The following SHISA9 variants were observed in gnomAD, a reference collection of about 807,000 sequenced individuals.
SHISA9 encodes the protein protein shisa-9.
A neutral mutation model predicts 38.0 loss-of-function variants in SHISA9; 13 were observed. The observed-to-expected ratio is 0.34, with a 90% CI of 0.22 to 0.54. SHISA9 has a LOEUF of 0.54. Among genes scored for constraint, SHISA9 ranks in the 20% least tolerant of loss-of-function variants. The probability of loss-of-function intolerance (pLI) is 0.91; values close to 1 mark genes in which losing one functional copy is unlikely to be tolerated. For missense variants in SHISA9, 538 were observed against 575.8 expected (o/e 0.93, Z 0.67); for synonymous variants, 275 against 242.0 (o/e 1.14, Z -1.27).
At chr16:13,541,029 C>T in the SHISA9 span, among the ~76,000 whole-genome samples, 187 of 152,252 alleles carry the variant, frequency 1.2e-3, no homozygotes, top group Non-Finnish European at 1.2e-3. Context: ...GTCGGGATTC[C>T]TCAGGAATCT....
chr16:13,197,029 T>C (rs1339650953), intron 2 of SHISA9, among the ~76,000 whole-genome samples: 1 of 151,754 alleles, frequency 6.6e-6, no homozygotes, highest in Non-Finnish European at 1.5e-5. Flanking sequence ...GAGGTGGAGA[T>C]TGCAGTGAGC....
At chr16:13,475,717 A>G in the SHISA9 span, among the ~76,000 whole-genome samples, 1 of 152,194 alleles carries the variant, frequency 6.6e-6, no homozygotes, top group South Asian at 2.1e-4. Context: ...TAATGAAATA[A>G]TTATACAACT....
At chr16:13,208,506 A>G (rs2142060784) in intron 3 of SHISA9, among the ~76,000 whole-genome samples, 2 of 148,386 alleles carry the variant, frequency 1.3e-5, no homozygotes, top group South Asian at 2.1e-4. Context: ...CCATGGCGCA[A>G]TCTCGGCTCA....
chr16:13,183,548 T>C (rs904907806), intron 2 of SHISA9, among the ~76,000 whole-genome samples: 6 of 152,246 alleles, frequency 3.9e-5, no homozygotes, highest in Admixed American at 6.5e-5. Flanking sequence ...ACAGAAATGA[T>C]CTCCCAACTG....
chr16:13,186,218 G>GTT (rs2050820549), intron 2 of SHISA9, among the ~76,000 whole-genome samples: 1 of 145,230 alleles, frequency 6.9e-6, no homozygotes, highest in African/African-American at 2.5e-5. Flanking sequence ...GAAGCACATT[G>GTT]TTGTGTGTGT....
At chr16:13,026,323 G>A (rs528319502) in intron 2 of SHISA9, among the ~76,000 whole-genome samples, 5 of 152,312 alleles carry the variant, frequency 3.3e-5, no homozygotes, top group African/African-American at 1.2e-4. Flanking sequence ...GAATCATGCA[G>A]CATTTGTCCC....
intron 2 of SHISA9, among the ~76,000 whole-genome samples, chr16:13,192,330 A>G (rs998807840): frequency 2.0e-5 from 3 of 152,140 alleles, no homozygotes; most frequent in African/African-American, 7.2e-5. Context: ...CCTTTATATA[A>G]TATGCCCATG....
the SHISA9 span, among the ~76,000 whole-genome samples, chr16:13,282,808 C>T: frequency 1.3e-5 from 2 of 152,042 alleles, no homozygotes; most frequent in African/African-American, 4.8e-5. Context: ...CGTTACTATA[C>T]TTCTAAGTTC....
intron 1 of SHISA9, chr16:12,911,678 C>T (rs1209852081): frequency 6.6e-6 from 1 of 152,310 alleles, no homozygotes; most frequent in Non-Finnish European, 1.5e-5. Flanking sequence ...TTATTTTTAT[C>T]TGACTTTGTT....
chr16:13,114,465 CAAAAA>C (rs58742818), intron 2 of SHISA9, among the ~76,000 whole-genome samples: 2 of 51,024 alleles, frequency 3.9e-5, no homozygotes, highest in Admixed American at 1.9e-4. Context: ...GATTCCATCT[CAAAAA>C]AAAAAAAAAA....
At chr16:13,213,572 G>C (rs1474160081) in intron 4 of SHISA9, among the ~76,000 whole-genome samples, 1 of 152,134 alleles carries the variant, frequency 6.6e-6, no homozygotes, top group Non-Finnish European at 1.5e-5. Context: ...AATCATGCCA[G>C]GTAAGGTGAA....
chr16:13,316,655 A>C, the SHISA9 span, among the ~76,000 whole-genome samples: 435 of 152,246 alleles, frequency 2.9e-3, 1 homozygote, highest in African/African-American at 1.0e-2. Flanking sequence ...CCATCCAATA[A>C]CCTAGGATAT....
chr16:13,527,517 ACTAGT>A, the SHISA9 span, among the ~76,000 whole-genome samples: 1 of 152,212 alleles, frequency 6.6e-6, no homozygotes, highest in Non-Finnish European at 1.5e-5. Flanking sequence ...GAGTCATGTG[ACTAGT>A]CTAGTTAAAT....
chr16:12,972,049 G>A (rs1269979328), intron 2 of SHISA9, among the ~76,000 whole-genome samples: 1 of 148,478 alleles, frequency 6.7e-6, no homozygotes, highest in East Asian at 2.0e-4. Context: ...GTTTGTGTGT[G>A]TGTGTGTGTG....
At chr16:13,369,534 C>T in the SHISA9 span, among the ~76,000 whole-genome samples, 2 of 151,204 alleles carry the variant, frequency 1.3e-5, no homozygotes, top group Non-Finnish European at 2.9e-5. Flanking sequence ...TTCTTGGGAC[C>T]CCAGAAGTAA....
intron 2 of SHISA9, among the ~76,000 whole-genome samples, chr16:13,144,809 G>A (rs1419088730): frequency 6.6e-6 from 1 of 152,084 alleles, no homozygotes; most frequent in Non-Finnish European, 1.5e-5. Context: ...GGGATATAGT[G>A]CCAAAAAATT....
the SHISA9 span, among the ~76,000 whole-genome samples, chr16:13,498,260 G>T: frequency 1.3e-5 from 2 of 151,970 alleles, no homozygotes; most frequent in East Asian, 1.9e-4. Context: ...TTTTTAAAAG[G>T]CTGCCTTTAA....
rs374417874 is a variant in SHISA9, at chr16:13,203,002, T to C, written c.692-392T>C. Among the ~76,000 whole-genome samples, 44 of 152,336 alleles carry C rather than the reference T, an allele frequency of 2.9e-4. 1 individual carries two copies. The East Asian group carries it at 7.7e-3, about 27-fold the overall frequency. ...CTCATGTCCTTCAATCCCTTTAACATCTGCCAATCTGTTGGCAAAGGAATG... is the reference window on the plus strand; with the variant it reads ...CTCATGTCCTTCAATCCCTTTAACACCTGCCAATCTGTTGGCAAAGGAATG... On this transcript the variant is annotated intron_variant, in intron 2 of 4. Transcript: ENST00000558583.
chr16:13,388,858 G>A, the SHISA9 span, among the ~76,000 whole-genome samples: 4 of 152,186 alleles, frequency 2.6e-5, no homozygotes, highest in Admixed American at 2.0e-4. Flanking sequence ...ACGTCTAGTA[G>A]CATTCTTCCA....
Sources: gnomAD v4.1 joint callset for allele counts (sites outside exome capture counted in the v4.1 genomes callset) on GRCh38, gnomAD v4.1.1 for gene constraint, MANE v1.5 for transcripts, NCBI Gene and HGNC (gene_info 2026-07-23, HGNC 2026-07-21) for gene names.